PRPF39: variants seen among roughly 807,000 people sequenced by gnomAD.
PRPF39 encodes pre-mRNA-processing factor 39.
In PRPF39, 27 loss-of-function variants were observed where a neutral mutation model predicts 82.1. The observed-to-expected ratio is 0.33, with a 90% CI of 0.24 to 0.45. The LOEUF (loss-of-function observed/expected upper bound fraction) is 0.45. Ranked by LOEUF, PRPF39 falls within the 20% of genes least tolerant of loss-of-function variation. The pLI, the probability that PRPF39 is intolerant of heterozygous loss-of-function variation, is 1.00. For synonymous variants in PRPF39, 261 were observed against 256.4 expected (o/e 1.02, Z -0.17); for missense variants, 581 against 796.9 (o/e 0.73, Z 3.26).
At position 45,095,370 on chromosome 14, in the gene PRPF39, C is replaced by CACCT. The variant is rs1419086598; in HGVS notation, c.132_135dup (p.Asp46ThrfsTer2). On this transcript the variant is annotated frameshift_variant, in exon 2 of 14. Coordinates refer to ENST00000355765, the MANE Select transcript of PRPF39 (RefSeq NM_017922.4). LOFTEE classifies it high-confidence loss of function. ...ATGAACGTTACAGAAATGGAACAGT[C>CACCT]ACCTGATGACTCTCCCAATGTGAAT... is the stretch of plus-strand genomic sequence containing the variant. 6.2e-7 allele frequency: 1 copy of CACCT among 1,613,894 alleles called. No individual in the cohort carries two copies. Among genetic ancestry groups the CACCT allele is most frequent in the South Asian group, 1.1e-5 (1 of 91,074 alleles).
chr14:45,099,888 C>T (rs151333137), intron 4 of PRPF39, among the ~76,000 whole-genome samples: 171 of 152,220 alleles, frequency 1.1e-3, no homozygotes, highest in Middle Eastern at 0.01. Context: ...GTTCCCAGGA[C>T]GGTTTCCTCT....
At chr14:45,101,036 T>C (rs930558496) in intron 4 of PRPF39, among the ~76,000 whole-genome samples, 1 of 152,200 alleles carries the variant, frequency 6.6e-6, no homozygotes, top group Non-Finnish European at 1.5e-5. Context: ...CTCACACACA[T>C]TGATCTCTTT....
In PRPF39 at chr14:45,091,596, C is replaced by G. The variant is rs374215636; in HGVS notation, c.-19-3625C>G. Among the ~76,000 whole-genome samples the G allele has an allele frequency of 2.7e-4, 41 of 152,044 alleles. 1 individual carries two copies. The South Asian group carries it at 8.5e-3, about 32-fold the overall frequency. ...TACAATTTTGCAGAGATCTGGCTTT[C>G]TTAGTTTACGAAGAGTGTATACAAA... On this transcript the variant is annotated intron_variant, in intron 1 of 13. Transcript: ENST00000355765.
chr14:45,110,924 T>C lies in PRPF39; in HGVS notation c.1572+107T>C. On this transcript the variant is annotated intron_variant, in intron 10 of 13. Coordinates refer to ENST00000355765, the MANE Select transcript of PRPF39 (RefSeq NM_017922.4). The surrounding 1 kb of genome is among the most constrained non-coding windows in gnomAD (Gnocchi z 4.0). ...AGATTTGGTCTGTATGTAATAGATT[T>C]TATTACTAAATGAGGACAACAGTCC... 1.8e-6 allele frequency: 2 copies of C among 1,104,364 alleles called. No homozygotes were observed. Among genetic ancestry groups the C allele is most frequent in the Non-Finnish European group, 2.5e-6 (2 of 791,272 alleles). The allele number at this position is 1,104,364 out of a possible 1,614,324, so 68.4% of individuals were successfully genotyped here.
chr14:45,114,283 A>C, intron 12 of PRPF39, 26 bp downstream of exon 12: 1 of 1,525,918 alleles, frequency 6.6e-7, no homozygotes, highest in Non-Finnish European at 9.0e-7. Context: ...CTAAGTCAAG[A>C]AGGCGTGCTT....
At chr14:45,109,039 C>A (rs2139063234) in intron 7 of PRPF39, among the ~76,000 whole-genome samples, 1 of 152,290 alleles carries the variant, frequency 6.6e-6, no homozygotes, top group South Asian at 2.1e-4. Context: ...AAAATAACAC[C>A]TTAACTTTTA....
At chr14:45,098,673 G>GT (rs1219098591) in intron 4 of PRPF39, among the ~76,000 whole-genome samples, 1 of 152,084 alleles carries the variant, frequency 6.6e-6, no homozygotes, top group African/African-American at 2.4e-5. Context: ...TAAAAAATGT[G>GT]TAAGTCCCAT....
chr14:45,096,653 C>T (rs1238151078), intron 3 of PRPF39: 1 of 1,496,594 alleles, frequency 6.7e-7, no homozygotes, highest in African/African-American at 1.4e-5. Context: ...CCAAAGCCTG[C>T]CCACACAACC....
chr14:45,087,548 G>A (rs1883871538), intron 1 of PRPF39, among the ~76,000 whole-genome samples: 1 of 151,668 alleles, frequency 6.6e-6, no homozygotes, highest in African/African-American at 2.4e-5. Context: ...TCCCTAATGA[G>A]TAGCCAGAAG....
chr14:45,113,139 C>T (rs536097496), intron 11 of PRPF39, among the ~76,000 whole-genome samples: 16 of 152,224 alleles, frequency 1.1e-4, no homozygotes, highest in South Asian at 2.1e-4. Flanking sequence ...TATGATTATT[C>T]GCATTTAGAT....
chr14:45,102,783 T>C (rs1884415349), intron 5 of PRPF39, 87 bp downstream of exon 5: 4 of 1,275,966 alleles, frequency 3.1e-6, no homozygotes, highest in South Asian at 3.0e-5. Flanking sequence ...TGGAATGTTA[T>C]GTAAGCTTTT....
intron 3 of PRPF39, 83 bp from the exon 4 acceptor site, chr14:45,096,804 A>G (rs1416932697): frequency 6.5e-7 from 1 of 1,543,204 alleles, no homozygotes; most frequent in Non-Finnish European, 8.8e-7. Flanking sequence ...TAGTATTTCT[A>G]AGGTTCACCG....
chr14:45,109,663 A>T lies in PRPF39; in HGVS notation c.1059A>T (p.Leu353=), dbSNP rs746685450. Reference sequence around the variant, plus strand: ...TGAAACCTTTGGAAAAGGCACAACTAAAAAACTGGAAAGAATACTTAGAAT... The same window carrying T: ...TGAAACCTTTGGAAAAGGCACAACTTAAAAACTGGAAAGAATACTTAGAAT... ...FHVKPLEKAQ[L]KNWKEYLEFE... The change falls in exon 8 of 14, where the codon CTA becomes CTT. Residue 353 remains leucine, a synonymous_variant. Coordinates refer to ENST00000355765, the MANE Select transcript of PRPF39 (RefSeq NM_017922.4). The T allele has an allele frequency of 6.2e-7, 1 of 1,607,666 alleles. No individual in the cohort carries two copies. Among genetic ancestry groups the T allele is most frequent in the South Asian group, 1.1e-5 (1 of 90,038 alleles).
chr14:45,107,343 GTTTC>G, intron 5 of PRPF39, 104 bp from the exon 6 acceptor site: 1 of 837,212 alleles, frequency 1.2e-6, no homozygotes. Context: ...TGATATTTTG[GTTTC>G]TTTTTTAAAT....
chr14:45,096,049 TA>T (rs1345811198), intron 2 of PRPF39, 53 bp from the exon 3 acceptor site: 6 of 1,430,310 alleles, frequency 4.2e-6, no homozygotes, highest in Non-Finnish European at 4.7e-6. Context: ...GAATAATAAA[TA>T]TTTTTTTGAC....
In PRPF39 at chr14:45,096,095, T is replaced by G; in HGVS notation, c.325-8T>G. 2 of 1,554,100 alleles carry G rather than the reference T, an allele frequency of 1.3e-6. No individual in the cohort carries two copies. Among genetic ancestry groups the G allele is most frequent in the Non-Finnish European group, 1.7e-6 (2 of 1,147,470 alleles). On this transcript the variant is annotated splice_region_variant and splice_polypyrimidine_tract_variant and intron_variant, in intron 2 of 13. Transcript: ENST00000355765. ...CACAATATTTAAATACTGTTTTATT[T>G]TTATCAGAATCACTTGATGGCTGCC...
intron 5 of PRPF39, among the ~76,000 whole-genome samples, chr14:45,102,897 T>C (rs1884418647): frequency 1.3e-5 from 2 of 152,222 alleles, no homozygotes; most frequent in Non-Finnish European, 2.9e-5. Flanking sequence ...TTTTACTGTT[T>C]TTAGATAGAA....
At position 45,116,170 on chromosome 14, in the gene PRPF39, A is replaced by G. The variant is rs1884829422; in HGVS notation, c.*1257A>G. ...AGGCCAAGTTTTATCATTGTTGCTA[A>G]TATCCTTAGAGCTGAAGCACTGCTA... is the stretch of plus-strand genomic sequence containing the variant. On this transcript the variant is annotated 3_prime_UTR_variant, in exon 14 of 14. Transcript: ENST00000355765. The G allele has an allele frequency of 1.9e-6, 3 of 1,543,600 alleles. No individual in the cohort carries two copies. Among genetic ancestry groups the G allele is most frequent in the South Asian group, 1.1e-5 (1 of 89,164 alleles).
At position 45,114,686 on chromosome 14, in the gene PRPF39, TAA is replaced by T. The variant is rs750363486; in HGVS notation, c.1953+78_1953+79del. The T allele has an allele frequency of 2.4e-5, 36 of 1,514,800 alleles. 1 individual carries two copies. The South Asian group carries it at 3.4e-4, about 14-fold the overall frequency. 93.8% of individuals were successfully genotyped at this position (1,514,800 alleles called of 1,614,324 possible). ...TAAATTAGGATAGTTTCTTTTTTTT[TAA>T]AAAAAGTTTTTGTTCCAATTGTGTA... On this transcript the variant is annotated intron_variant, in intron 13 of 13. Coordinates refer to ENST00000355765, the MANE Select transcript of PRPF39 (RefSeq NM_017922.4).
Sources: allele counts gnomAD v4.1 joint callset (sites outside exome capture counted in the v4.1 genomes callset), GRCh38; gene constraint gnomAD v4.1.1; non-coding constraint Gnocchi (gnomAD v3.1); transcripts MANE v1.5; gene names NCBI Gene and HGNC (gene_info 2026-07-23, HGNC 2026-07-21).